TRHR: variants seen among roughly 807,000 people sequenced by gnomAD.
TRHR encodes thyrotropin-releasing hormone receptor.
TRHR carries 14 observed loss-of-function variants against 28.0 expected under a neutral mutation model. The observed-to-expected ratio is 0.50, with a 90% CI of 0.33 to 0.78. The LOEUF (loss-of-function observed/expected upper bound fraction) is 0.78, where lower values mean the gene tolerates loss of function less well. Ranked by LOEUF, TRHR falls within the 30% of genes least tolerant of loss-of-function variation. The pLI is 0.02. For missense variants in TRHR, 438 were observed against 469.5 expected, an observed-to-expected ratio of 0.93 and a Z score of 0.62; for synonymous variants, 176 against 171.9, an observed-to-expected ratio of 1.02 and a Z score of -0.18.
At chr8:109,109,305 T>C (rs1586193078) in intron 2 of TRHR, among the ~76,000 whole-genome samples, 1 of 152,160 alleles carries the variant, frequency 6.6e-6, no homozygotes, top group Non-Finnish European at 1.5e-5. Context: ...AAGATGATGT[T>C]GGAGTCCAAT....
At chr8:109,098,505 T>C (rs1811628862) in intron 2 of TRHR, among the ~76,000 whole-genome samples, 1 of 152,130 alleles carries the variant, frequency 6.6e-6, no homozygotes, top group African/African-American at 2.4e-5. Flanking sequence ...TCATCTAAAA[T>C]GCAAACTTGC....
Position 109,087,854 on chromosome 8 carries a change from T to G in TRHR, c.342T>G (p.Cys114Trp). Residue 114 changes from cysteine (C) to tryptophan (W), a missense_variant, in exon 2 of 3, where the codon TGT becomes TGG. Physicochemically the swap from Cys to Trp is radical, Grantham distance 215. Coordinates refer to ENST00000518632, the MANE Select transcript of TRHR (RefSeq NM_003301.7). ...LQYLGINASS[C>W]SITAFTIERY... ...ATTTGGGAATTAATGCATCCTCTTG[T>G]TCAATAACAGCCTTTACCATTGAGA... 6.2e-7 allele frequency: 1 copy of G among 1,614,234 alleles called. No homozygotes were observed. The highest frequency in any genetic ancestry group is 1.3e-5 in the African/African-American group (1 of 75,066).
chr8:109,110,741 C>A (rs373597086), intron 2 of TRHR, among the ~76,000 whole-genome samples: 8 of 152,306 alleles, frequency 5.3e-5, no homozygotes, highest in African/African-American at 1.9e-4. Context: ...ACTTTTATTA[C>A]ACAGTAACTG....
rs899438026 is a variant in TRHR at position 109,121,109 on chromosome 8, T to C, written c.*1654T>C. 2.0e-5 allele frequency among the ~76,000 whole-genome samples: 3 copies of C among 150,966 alleles called. No homozygotes were observed. Among genetic ancestry groups the C allele is most frequent in the Admixed American group, 2.0e-4 (3 of 15,106 alleles). ...TTTTTTTTTTTGAAAATTGGCCTTATCTACTCCAGCAAGACATTTTTATCC... is the reference window on the plus strand; with the variant it reads ...TTTTTTTTTTTGAAAATTGGCCTTACCTACTCCAGCAAGACATTTTTATCC... On this transcript the variant is annotated 3_prime_UTR_variant, in exon 3 of 3. Coordinates refer to ENST00000518632, the MANE Select transcript of TRHR (RefSeq NM_003301.7).
At chr8:109,103,265 AT>A (rs896049036) in intron 2 of TRHR, among the ~76,000 whole-genome samples, 14 of 151,914 alleles carry the variant, frequency 9.2e-5, no homozygotes, top group Admixed American at 4.6e-4. Context: ...TTCACAGTCC[AT>A]TTTTTTTCTT....
intron 2 of TRHR, among the ~76,000 whole-genome samples, chr8:109,098,571 A>T (rs541607413): frequency 3.6e-4 from 55 of 152,194 alleles, no homozygotes; most frequent in African/African-American, 1.3e-3. Flanking sequence ...ATATGCTGAA[A>T]TCCCAAGTCA....
chr8:109,110,421 T>C (rs977013928), intron 2 of TRHR, among the ~76,000 whole-genome samples: 3 of 152,090 alleles, frequency 2.0e-5, no homozygotes, highest in African/African-American at 7.2e-5. Flanking sequence ...TCACTTTTTT[T>C]TTTTCTTTAG....
At chr8:109,117,475 G>C (rs949169109) in intron 2 of TRHR, among the ~76,000 whole-genome samples, 5 of 151,806 alleles carry the variant, frequency 3.3e-5, no homozygotes, top group Non-Finnish European at 5.9e-5. Context: ...AAATGTGATG[G>C]TATAGATCTA....
chr8:109,087,267 A>G (rs375828556), intron 1 of TRHR, among the ~76,000 whole-genome samples, 158 bp from the exon 2 acceptor site: 1 of 152,070 alleles, frequency 6.6e-6, no homozygotes, highest in East Asian at 1.9e-4. Context: ...TCCATTCTAC[A>G]CTAGAGATGC....
rs773849551 is a variant in TRHR at position 109,120,964 on chromosome 8, G to A, written c.*1509G>A. Among the ~76,000 whole-genome samples the A allele has an allele frequency of 3.3e-5, 5 of 151,306 alleles. No individual in the cohort carries two copies. The highest frequency in any genetic ancestry group is 1.2e-4 in the African/African-American group (5 of 41,206). On this transcript the variant is annotated 3_prime_UTR_variant, in exon 3 of 3. Coordinates refer to ENST00000518632, the MANE Select transcript of TRHR (RefSeq NM_003301.7). ...TTATGGACTTTTCTAGAACCTAATC[G>A]CTAATGATAATTATGCCTCCCCATC...
rs771908875 is a variant in TRHR, at chr8:109,119,349, G to T, written c.1091G>T (p.Ser364Ile). 1.7e-5 allele frequency: 27 copies of T among 1,612,242 alleles called. No homozygotes were observed. The South Asian group carries it at 2.5e-4, about 15-fold the overall frequency. Residue 364 changes from serine (S) to isoleucine (I), a missense_variant, in exon 3 of 3, where the codon AGC becomes ATC. Physicochemically the swap from Ser to Ile is moderately radical, Grantham distance 142 (BLOSUM62 -2). Coordinates refer to ENST00000518632, the MANE Select transcript of TRHR (RefSeq NM_003301.7). ...GTCATCAAGGAGTCAGACCATTTCA[G>T]CACAGAGCTTGATGATATCACTGTC... ...YSVIKESDHF[S>I]TELDDITVTD...
At position 109,087,635 on chromosome 8, in the gene TRHR, A is replaced by T; in HGVS notation, c.123A>T (p.Val41=). The part of the protein sequence containing the change: ...LVLIICGLGI[V]GNIMVVLVVM... Reference sequence around the variant, plus strand: ...TCATTATTTGTGGCCTGGGCATTGTAGGCAACATCATGGTAGTCCTGGTTG... The same window carrying T: ...TCATTATTTGTGGCCTGGGCATTGTTGGCAACATCATGGTAGTCCTGGTTG... Residue 41 remains valine, a synonymous_variant, in exon 2 of 3, where the codon GTA becomes GTT. Coordinates refer to ENST00000518632, the MANE Select transcript of TRHR (RefSeq NM_003301.7). 6.2e-7 allele frequency: 1 copy of T among 1,614,168 alleles called. No individual in the cohort carries two copies. Among genetic ancestry groups the T allele is most frequent in the Non-Finnish European group, 8.5e-7 (1 of 1,180,040 alleles).
At position 109,111,289 on chromosome 8, in the gene TRHR, T is replaced by C. The variant is rs115532537; in HGVS notation, c.790-7759T>C. Among the ~76,000 whole-genome samples, 769 of 152,306 alleles carry C rather than the reference T, an allele frequency of 5.0e-3. 5 individuals are homozygous for C. The highest frequency in any genetic ancestry group is 0.018 in the African/African-American group (734 of 41,570). The stretch of plus-strand genomic sequence containing the variant: ...TGTGGAAGCTTGGCTAAATTCAGAT[T>C]TGTTTAATTATCATGTTAAGTTCAT... On this transcript the variant is annotated intron_variant, in intron 2 of 2. Transcript: ENST00000518632.
In TRHR at chr8:109,088,067, G is replaced by C; in HGVS notation, c.555G>C (p.Arg185Ser). 1 of 1,614,090 alleles carries C rather than the reference G, an allele frequency of 6.2e-7. No homozygotes were observed. Among genetic ancestry groups the C allele is most frequent in the Non-Finnish European group, 8.5e-7 (1 of 1,180,022 alleles). ...IVISCGYKIS[R>S]NYYSPIYLMD... ...TATCCTGTGGCTACAAGATCTCCAGGAATTACTACTCACCTATTTACCTAA... is the reference window on the plus strand; with the variant it reads ...TATCCTGTGGCTACAAGATCTCCAGCAATTACTACTCACCTATTTACCTAA... The change falls in exon 2 of 3, where the codon AGG becomes AGC. Residue 185 changes from arginine (R) to serine (S), a missense_variant. Arg to Ser is a moderately radical substitution (Grantham distance 110). Coordinates refer to ENST00000518632, the MANE Select transcript of TRHR (RefSeq NM_003301.7).
chr8:109,112,335 A>G (rs1159921241), intron 2 of TRHR, among the ~76,000 whole-genome samples: 1 of 152,166 alleles, frequency 6.6e-6, no homozygotes, highest in Non-Finnish European at 1.5e-5. Context: ...TTGAGGTATG[A>G]ATCAAATCCT....
intron 2 of TRHR, among the ~76,000 whole-genome samples, chr8:109,091,170 G>T (rs1430945816): frequency 6.6e-5 from 10 of 152,186 alleles, no homozygotes; most frequent in Admixed American, 6.5e-4. Context: ...ATACAGGCAT[G>T]AGGCAGTAAG....
rs1811452452 is a variant in TRHR, at chr8:109,087,543, C to G, written c.31C>G (p.Gln11Glu). 6.2e-7 allele frequency: 1 copy of G among 1,614,194 alleles called. No individual in the cohort carries two copies. Among genetic ancestry groups the G allele is most frequent in the Non-Finnish European group, 8.5e-7 (1 of 1,180,036 alleles). MENETVSELN[Q>E]TQLQPRAVVA... ...AAACGAGACAGTCAGTGAACTGAAC[C>G]AAACACAGCTTCAGCCACGAGCAGT... Residue 11 changes from glutamine to glutamate, a missense_variant, in exon 2 of 3, where the codon CAA becomes GAA. Physicochemically the swap from Gln to Glu is conservative, Grantham distance 29. Transcript: ENST00000518632.
intron 2 of TRHR, among the ~76,000 whole-genome samples, chr8:109,112,411 T>C (rs536086489): frequency 2.0e-5 from 3 of 152,302 alleles, no homozygotes; most frequent in African/African-American, 4.8e-5. Context: ...CCAGATACTA[T>C]GTAACCAGAA....
intron 2 of TRHR, among the ~76,000 whole-genome samples, chr8:109,107,860 G>C (rs550850635): frequency 1.3e-5 from 2 of 152,212 alleles, no homozygotes; most frequent in South Asian, 2.1e-4. Flanking sequence ...AGACATTAAG[G>C]CTCAAAAATC....
Sources: allele counts gnomAD v4.1 joint callset (sites outside exome capture counted in the v4.1 genomes callset), GRCh38; gene constraint gnomAD v4.1.1; transcripts MANE v1.5; gene names NCBI Gene and HGNC (gene_info 2026-07-23, HGNC 2026-07-21).